NBEAL1: variants seen among roughly 807,000 people sequenced by gnomAD.
The protein encoded by NBEAL1 is neurobeachin-like protein 1.
In NBEAL1, 273 loss-of-function variants were observed where a neutral mutation model predicts 351.3. The observed-to-expected ratio is 0.78, with a 90% CI of 0.70 to 0.86. The LOEUF is 0.86. NBEAL1 is among the 40% of genes least tolerant of loss of function. The pLI is 0.00. For synonymous variants in NBEAL1, 1,050 were observed against 1,086.4 expected (o/e 0.97, Z 0.66); for missense variants, 2,961 against 3,201.3 (o/e 0.92, Z 1.81).
intron 6 of NBEAL1, among the ~76,000 whole-genome samples, chr2:203,063,981 G>C (rs757747342): frequency 2.0e-5 from 3 of 152,142 alleles, no homozygotes; most frequent in Non-Finnish European, 4.4e-5. Context: ...GATTGGATCA[G>C]GCAAGAATCA....
intron 18 of NBEAL1, among the ~76,000 whole-genome samples, chr2:203,117,381 C>G (rs574727942): frequency 2.6e-5 from 4 of 151,956 alleles, no homozygotes; most frequent in African/African-American, 7.3e-5. Context: ...GAGAATGGCA[C>G]GAACTGGGGA....
Position 203,083,231 on chromosome 2 carries a change from C to G in NBEAL1, c.697C>G (p.Gln233Glu). 1 of 1,550,458 alleles carries G rather than the reference C, an allele frequency of 6.4e-7. No homozygotes were observed. Among genetic ancestry groups the G allele is most frequent in the Non-Finnish European group, 8.7e-7 (1 of 1,146,328 alleles). Residue 233 changes from glutamine (Q) to glutamate (E), a missense_variant, in exon 9 of 56, where the codon CAA (glutamine) becomes GAA (glutamate). Coordinates refer to ENST00000683969, the MANE Select transcript of NBEAL1 (RefSeq NM_001378026.1). Reference protein sequence around the residue: ...IVAGGQRNALQAISPATMEVL... With the variant: ...IVAGGQRNALEAISPATMEVL... ...TCTAATGTTTCAGAGGAATGCTTTG[C>G]AAGCAATTTCTCCAGCCACTATGGA... is the stretch of plus-strand genomic sequence containing the variant.
intron 6 of NBEAL1, among the ~76,000 whole-genome samples, chr2:203,059,558 A>G (rs1304620778): frequency 1.3e-5 from 2 of 152,210 alleles, no homozygotes; most frequent in African/African-American, 4.8e-5. Flanking sequence ...GACACATGTC[A>G]TTTTCATTCT....
chr2:203,068,429 A>G lies in NBEAL1; in HGVS notation c.552A>G (p.Lys184=). 3.2e-6 allele frequency: 5 copies of G among 1,548,272 alleles called. No homozygotes were observed. The highest frequency in any genetic ancestry group is 2.6e-6 in the Non-Finnish European group (3 of 1,144,926). ...ILSTVEKSRQ[K]YKPASLTVEF... is the part of the protein sequence containing the mutation. ...GTACTGTGGAAAAGAGCAGACAGAA[A>G]TATAAACCAGCTTCTCTCACAGTGG... The change falls in exon 7 of 56, where the codon AAA becomes AAG. Residue 184 remains lysine, a synonymous_variant. Coordinates refer to ENST00000683969, the MANE Select transcript of NBEAL1 (RefSeq NM_001378026.1).
At chr2:203,134,199 C>G (rs551013622) in intron 27 of NBEAL1, among the ~76,000 whole-genome samples, 12 of 152,190 alleles carry the variant, frequency 7.9e-5, no homozygotes, top group Admixed American at 7.2e-4. Context: ...GTATTTGGAG[C>G]AGGTCATATA....
chr2:203,174,216 C>CAAAAAAAAA (rs10652390), intron 41 of NBEAL1, among the ~76,000 whole-genome samples: 1 of 24,612 alleles, frequency 4.1e-5, no homozygotes, highest in Non-Finnish European at 8.6e-5. Context: ...TTTATACTAG[C>CAAAAAAAAA]AAAAAAAAAA....
chr2:203,016,317 A>G lies in NBEAL1; in HGVS notation c.-68A>G. 2 of 1,135,406 alleles carry G rather than the reference A, an allele frequency of 1.8e-6. No individual in the cohort carries two copies. Among genetic ancestry groups the G allele is most frequent in the Non-Finnish European group, 2.5e-6 (2 of 814,488 alleles). 70.3% of individuals were successfully genotyped at this position (1,135,406 alleles called of 1,614,324 possible). On this transcript the variant is annotated 5_prime_UTR_variant, in exon 2 of 56. The change abolishes an upstream ATG in the 5' untranslated region. Coordinates refer to ENST00000683969, the MANE Select transcript of NBEAL1 (RefSeq NM_001378026.1). ...ACGGCTGAAAAACTTGGAAAATAAA[A>G]TGGACATGCTGTAGTCTTGAACATA...
In NBEAL1 at chr2:203,130,400, C is replaced by G; in HGVS notation, c.3488C>G (p.Pro1163Arg). 6.5e-7 allele frequency: 1 copy of G among 1,534,322 alleles called. No homozygotes were observed. The highest frequency in any genetic ancestry group is 8.8e-7 in the Non-Finnish European group (1 of 1,140,664). ...RGQLFLLLFE[P>R]GNADILYALL... ...CAGCTTTTCTTACTGCTTTTTGAAC[C>G]AGGAAATGCTGACATACTGTACGCA... Residue 1163 changes from proline (P) to arginine (R), a missense_variant, in exon 25 of 56, where the codon CCA becomes CGA. Physicochemically the swap from Pro to Arg is moderately radical, Grantham distance 103. Transcript: ENST00000683969.
At chr2:203,183,770 G>C (rs1006939738) in intron 44 of NBEAL1, among the ~76,000 whole-genome samples, 6 of 152,006 alleles carry the variant, frequency 3.9e-5, no homozygotes, top group Admixed American at 3.9e-4. Context: ...ATTTCACTAA[G>C]CTTCTAAAAG....
intron 2 of NBEAL1, among the ~76,000 whole-genome samples, chr2:203,019,879 T>G (rs149874773): frequency 6.6e-6 from 1 of 152,118 alleles, no homozygotes; most frequent in Non-Finnish European, 1.5e-5. Context: ...CTAAAGTCCT[T>G]TAAGTAGAAT....
intron 2 of NBEAL1, among the ~76,000 whole-genome samples, chr2:203,030,312 G>C (rs931004590): frequency 7.2e-5 from 11 of 152,164 alleles, no homozygotes; most frequent in African/African-American, 2.7e-4. Context: ...TTAGGTAAAT[G>C]AAAGTCTCTT....
In NBEAL1 at chr2:203,083,338, T is replaced by G; in HGVS notation, c.804T>G (p.Thr268=). 6.4e-7 allele frequency: 1 copy of G among 1,554,154 alleles called. No individual in the cohort carries two copies. Among genetic ancestry groups the G allele is most frequent in the Non-Finnish European group, 8.7e-7 (1 of 1,147,650 alleles). Residue 268 remains threonine (T), a synonymous_variant, in exon 9 of 56, where the codon ACT becomes ACG. Transcript: ENST00000683969. ...PEEVGRKAEL[T]LKCLTEVVHI... ...AAGTGGGTAGGAAGGCAGAACTAAC[T>G]CTGAAGTGCCTTACAGAAGTGGTAC... is the stretch of plus-strand genomic sequence containing the variant.
In NBEAL1 at chr2:203,113,073, C is replaced by T. The variant is rs923427575; in HGVS notation, c.2261C>T (p.Ser754Phe). 2 of 1,547,592 alleles carry T rather than the reference C, an allele frequency of 1.3e-6. No individual in the cohort carries two copies. Among genetic ancestry groups the T allele is most frequent in the African/African-American group, 2.7e-5 (2 of 73,238 alleles). The change falls in exon 17 of 56, where the codon TCC (serine) becomes TTC (phenylalanine). Residue 754 changes from serine (S) to phenylalanine (F), a missense_variant. Physicochemically the swap from Ser to Phe is radical, Grantham distance 155. Coordinates refer to ENST00000683969, the MANE Select transcript of NBEAL1 (RefSeq NM_001378026.1). Reference sequence around the variant, plus strand: ...CAAAGAACCACCACTCCTCCACCATCCCAAATCCCAGATCCACCTTTCTCT... The same window carrying T: ...CAAAGAACCACCACTCCTCCACCATTCCAAATCCCAGATCCACCTTTCTCT... ...AGQRTTTPPPSQIPDPPFSSP... is the reference protein window; with the variant it reads ...AGQRTTTPPPFQIPDPPFSSP...
intron 31 of NBEAL1, 87 bp from the exon 32 acceptor site, chr2:203,144,513 C>T (rs2063460553): frequency 1.6e-6 from 2 of 1,280,122 alleles, no homozygotes; most frequent in Non-Finnish European, 2.2e-6. Context: ...TGTAAAAATT[C>T]TGAATCCACA....
intron 50 of NBEAL1, 85 bp downstream of exon 50, chr2:203,201,800 G>A (rs961506866): frequency 2.6e-6 from 3 of 1,137,432 alleles, no homozygotes; most frequent in African/African-American, 3.1e-5. Flanking sequence ...TTTGTAAAGA[G>A]CATTAAATTT....
intron 16 of NBEAL1, 102 bp downstream of exon 16, chr2:203,112,200 C>A: frequency 7.9e-7 from 1 of 1,267,670 alleles, no homozygotes; most frequent in African/African-American, 1.5e-5. Flanking sequence ...TATGTGGCCC[C>A]AGATTTTAAA....
At chr2:203,213,100 T>C (rs1207326274) in intron 54 of NBEAL1, among the ~76,000 whole-genome samples, 3 of 152,158 alleles carry the variant, frequency 2.0e-5, no homozygotes, top group Non-Finnish European at 4.4e-5. Flanking sequence ...CTCTAATCTC[T>C]CTAAAGGGAA....
At chr2:203,086,633 C>G (rs970384308) in intron 10 of NBEAL1, among the ~76,000 whole-genome samples, 2 of 152,180 alleles carry the variant, frequency 1.3e-5, no homozygotes, top group African/African-American at 4.8e-5. Context: ...CTCCTGGGTT[C>G]AAGCGATTCT....
At chr2:203,128,372 T>G (rs983236918) in intron 24 of NBEAL1, among the ~76,000 whole-genome samples, 1 of 150,272 alleles carries the variant, frequency 6.7e-6, no homozygotes, top group Non-Finnish European at 1.5e-5. Flanking sequence ...GCTCCCAAAG[T>G]GCTAGGATTA....
Sources: allele counts gnomAD v4.1 joint callset (sites outside exome capture counted in the v4.1 genomes callset), GRCh38; gene constraint gnomAD v4.1.1; transcripts MANE v1.5; gene names NCBI Gene and HGNC (gene_info 2026-07-23, HGNC 2026-07-21).